Variants in WDR26 observed in about 807,000 individuals in gnomAD.
The protein encoded by WDR26 is WD repeat-containing protein 26.
In WDR26, 5 loss-of-function variants were observed where a neutral mutation model predicts 84.1. The observed-to-expected ratio is 0.06, with a 90% CI of 0.03 to 0.13. WDR26 has a LOEUF of 0.13. Among genes scored for constraint, WDR26 ranks in the 10% least tolerant of loss-of-function variants. The pLI, the probability that WDR26 is intolerant of heterozygous loss-of-function variation, is 1.00. For missense variants in WDR26, 642 were observed against 974.9 expected (o/e 0.66, Z 4.55); for synonymous variants, 415 against 389.6 (o/e 1.07, Z -0.77).
chr1:224,421,033 G>GA (rs1190013149), intron 4 of WDR26, among the ~76,000 whole-genome samples: 1 of 152,102 alleles, frequency 6.6e-6, no homozygotes, highest in Non-Finnish European at 1.5e-5. Flanking sequence ...ATGTCCTTGT[G>GA]AAAATACATA....
chr1:224,411,740 C>T (rs1186447242), intron 6 of WDR26, among the ~76,000 whole-genome samples, 175 bp from the exon 7 acceptor site: 1 of 151,250 alleles, frequency 6.6e-6, no homozygotes, highest in African/African-American at 2.4e-5. Flanking sequence ...TCTCTGTTGC[C>T]CAGGCTCTGT....
At position 224,434,547 on chromosome 1, in the gene WDR26, G is replaced by A. The variant is rs1365902769; in HGVS notation, c.-142C>T. 9.3e-6 allele frequency: 3 copies of A among 322,520 alleles called. No individual in the cohort carries two copies. Among genetic ancestry groups the A allele is most frequent in the Non-Finnish European group, 8.7e-6 (2 of 229,236 alleles). The allele number at this position is 322,520 out of a possible 1,614,324, so 20.0% of individuals were successfully genotyped here. A position where few individuals can be genotyped will look rare whatever the true frequency, so the allele number is the denominator to read the frequency against. On this transcript the variant is annotated 5_prime_UTR_variant, in exon 1 of 14. Coordinates refer to ENST00000414423, the MANE Select transcript of WDR26 (RefSeq NM_001379403.1). ...TGAGAGGAGGGGGAGGAGGAGGAGG[G>A]GGAGAAGGAGGATCCGGGCCCTTTC...
In WDR26 at chr1:224,398,518, A is replaced by C. The variant is rs1363955660; in HGVS notation, c.1941T>G (p.Thr647=). ...AAAATTATACTAATAAACATACCTG[A>C]GTTGCTACATTTAACAAAGCTAATC... The change falls in exon 11 of 14, where the codon ACT becomes ACG. Residue 647 remains threonine, a synonymous_variant. Coordinates refer to ENST00000414423, the MANE Select transcript of WDR26 (RefSeq NM_001379403.1). The C allele has an allele frequency of 6.2e-7, 1 of 1,607,050 alleles. No individual in the cohort carries two copies. Among genetic ancestry groups the C allele is most frequent in the Non-Finnish European group, 8.5e-7 (1 of 1,176,952 alleles).
intron 8 of WDR26, 130 bp downstream of exon 8, chr1:224,404,300 A>C: frequency 9.0e-7 from 1 of 1,106,316 alleles, no homozygotes; most frequent in Non-Finnish European, 1.2e-6. Flanking sequence ...TTCCACTTGA[A>C]TAACTAAGAG....
In WDR26 at chr1:224,385,959, T is replaced by G. The variant is rs1414694264; in HGVS notation, c.*3876A>C. On this transcript the variant is annotated 3_prime_UTR_variant, in exon 14 of 14. Coordinates refer to ENST00000414423, the MANE Select transcript of WDR26 (RefSeq NM_001379403.1). ...CAGGACTTTTTAATGAATCAAGTACTCTCTCTCTCACACACACACAGAACA... is the reference window on the plus strand; with the variant it reads ...CAGGACTTTTTAATGAATCAAGTACGCTCTCTCTCACACACACACAGAACA... The G allele has an allele frequency of 1.3e-5, 2 of 151,938 alleles. No homozygotes were observed. Among genetic ancestry groups the G allele is most frequent in the African/African-American group, 4.8e-5 (2 of 41,344 alleles). The allele number at this position is 151,938 out of a possible 1,614,324, so 9.4% of individuals were successfully genotyped here.
intron 7 of WDR26, among the ~76,000 whole-genome samples, chr1:224,409,729 G>C (rs923940368): frequency 2.0e-5 from 3 of 151,744 alleles, no homozygotes; most frequent in Non-Finnish European, 2.9e-5. Flanking sequence ...TGGGCGTCGT[G>C]GTGCCTGCCT....
chr1:224,409,481 G>A (rs1428473320), intron 7 of WDR26, among the ~76,000 whole-genome samples: 1 of 152,202 alleles, frequency 6.6e-6, no homozygotes, highest in Non-Finnish European at 1.5e-5. Flanking sequence ...TTATGGTAAA[G>A]AATGTATCTT....
chr1:224,424,959 C>T (rs754800569), intron 3 of WDR26, among the ~76,000 whole-genome samples: 11 of 152,166 alleles, frequency 7.2e-5, no homozygotes, highest in Non-Finnish European at 1.3e-4. Context: ...CAATCTCCTA[C>T]AATTGTAGTT....
chr1:224,430,158 C>T (rs533941145), intron 3 of WDR26: 16 of 151,882 alleles, frequency 1.1e-4, no homozygotes, highest in African/African-American at 3.1e-4. Context: ...TTTTTAAACC[C>T]CAAACACACC....
At chr1:224,406,947 C>T (rs978980771) in intron 7 of WDR26, among the ~76,000 whole-genome samples, 3 of 149,734 alleles carry the variant, frequency 2.0e-5, no homozygotes, top group African/African-American at 7.4e-5. Context: ...TGTGGTGAAA[C>T]CCTGTCTCTA....
In WDR26 at chr1:224,434,266, C is replaced by T; in HGVS notation, c.140G>A (p.Gly47Asp). 7.7e-7 allele frequency: 1 copy of T among 1,290,692 alleles called. No individual in the cohort carries two copies. Among genetic ancestry groups the T allele is most frequent in the Non-Finnish European group, 9.8e-7 (1 of 1,020,696 alleles). The allele number at this position is 1,290,692 out of a possible 1,614,324, so 80.0% of individuals were successfully genotyped here. A position where few individuals can be genotyped will look rare whatever the true frequency, so the allele number is the denominator to read the frequency against. The change falls in exon 1 of 14, where the codon GGC (glycine) becomes GAC (aspartate). Residue 47 changes from glycine (G) to aspartate (D), a missense_variant. By Grantham distance (94) the Gly-to-Asp change is moderately conservative (BLOSUM62 -1). Transcript: ENST00000414423. Reference sequence around the variant, plus strand: ...GGACGGAGGGGAGAGGCCTGCTCTGCCTGCCGAAGCCCCGGGCTCTCCTAC... The same window carrying T: ...GGACGGAGGGGAGAGGCCTGCTCTGTCTGCCGAAGCCCCGGGCTCTCCTAC...
intron 7 of WDR26, among the ~76,000 whole-genome samples, chr1:224,404,871 G>T (rs1355303298): frequency 1.3e-5 from 2 of 152,058 alleles, no homozygotes; most frequent in Non-Finnish European, 2.9e-5. Context: ...ACCTTAGAAA[G>T]CTTTCAAGGC....
chr1:224,431,601 A>G lies in WDR26; in HGVS notation c.823-20T>C. ...TTCTGCCTGTAAAAATTGGTATAAA[A>G]GAAAAACAGAAATGTCACAAAATGC... On this transcript the variant is annotated intron_variant, in intron 2 of 13. Coordinates refer to ENST00000414423, the MANE Select transcript of WDR26 (RefSeq NM_001379403.1). 6.2e-7 allele frequency: 1 copy of G among 1,612,044 alleles called. No individual in the cohort carries two copies. The highest frequency in any genetic ancestry group is 1.7e-4 in the Middle Eastern group (1 of 6,054).
intron 6 of WDR26, among the ~76,000 whole-genome samples, chr1:224,412,102 A>G (rs1015436331): frequency 6.6e-6 from 1 of 152,078 alleles, no homozygotes; most frequent in African/African-American, 2.4e-5. Context: ...TTATTTAACA[A>G]CTCTTAGCCT....
chr1:224,424,370 C>A, intron 4 of WDR26, 148 bp downstream of exon 4: 1 of 1,085,644 alleles, frequency 9.2e-7, no homozygotes, highest in South Asian at 1.6e-5. Context: ...CTAGAATGAC[C>A]AAAATAGTTG....
chr1:224,434,032 C>T lies in WDR26; in HGVS notation c.374G>A (p.Gly125Asp), dbSNP rs1275528696. 1 of 1,467,068 alleles carries T rather than the reference C, an allele frequency of 6.8e-7. No individual in the cohort carries two copies. Among genetic ancestry groups the T allele is most frequent in the Non-Finnish European group, 9.0e-7 (1 of 1,113,782 alleles). The allele number at this position is 1,467,068 out of a possible 1,614,324, so 90.9% of individuals were successfully genotyped here. Residue 125 changes from glycine to aspartate, a missense_variant, in exon 1 of 14, where the codon GGC becomes GAC. Around this residue, in one of 2 missense-constraint regions of WDR26, gnomAD observed 291 missense variants for 302.1 expected, o/e 0.96. Coordinates refer to ENST00000414423, the MANE Select transcript of WDR26 (RefSeq NM_001379403.1). ...GGCGAGTTCCGGGGTCTGTCCCTGG[C>T]CCCCGCCGCCCCCTCCTCCTCCACC...
Position 224,399,048 on chromosome 1 carries a change from AACT to A in WDR26, c.1720-17_1720-15del, listed in dbSNP as rs1380487104. The A allele has an allele frequency of 1.3e-6, 2 of 1,503,570 alleles. No homozygotes were observed. Among genetic ancestry groups the A allele is most frequent in the Admixed American group, 2.5e-5 (1 of 39,420 alleles). 93.1% of individuals were successfully genotyped at this position (1,503,570 alleles called of 1,614,324 possible). A position where few individuals can be genotyped will look rare whatever the true frequency, so the allele number is the denominator to read the frequency against. Reference sequence around the variant, plus strand: ...ACCATCTAAGTCCTGAGTAAGAAAAAACTACTATTAACTTCATTACTCAACAGC... The same window carrying A: ...ACCATCTAAGTCCTGAGTAAGAAAAAACTATTAACTTCATTACTCAACAGC... On this transcript the variant is annotated splice_polypyrimidine_tract_variant and intron_variant, in intron 9 of 13. Coordinates refer to ENST00000414423, the MANE Select transcript of WDR26 (RefSeq NM_001379403.1).
At chr1:224,416,962 A>G (rs1673923320) in intron 6 of WDR26, among the ~76,000 whole-genome samples, 1 of 152,196 alleles carries the variant, frequency 6.6e-6, no homozygotes, top group Admixed American at 6.5e-5. Flanking sequence ...GGGATAGGGG[A>G]AAAAATTTCT....
chr1:224,410,697 T>C (rs1263635381), intron 7 of WDR26, among the ~76,000 whole-genome samples: 1 of 145,232 alleles, frequency 6.9e-6, no homozygotes, highest in Non-Finnish European at 1.5e-5. Flanking sequence ...TTTCTTTCTT[T>C]TTTTTTTTTT....
Sources: allele counts gnomAD v4.1 joint callset (sites outside exome capture counted in the v4.1 genomes callset), GRCh38; gene constraint gnomAD v4.1.1; regional missense constraint gnomAD v4.1.1; transcripts MANE v1.5; gene names NCBI Gene and HGNC (gene_info 2026-07-23, HGNC 2026-07-21).